Variants in ZNF804B observed in about 807,000 individuals in gnomAD.
The protein encoded by ZNF804B is zinc finger 804B.
In ZNF804B, 80 loss-of-function variants were observed where a neutral mutation model predicts 101.4. The observed-to-expected ratio is 0.79, with a 90% confidence interval of 0.66 to 0.95. The LOEUF (loss-of-function observed/expected upper bound fraction) is 0.95, where lower values mean the gene tolerates loss of function less well. Ranked by LOEUF, ZNF804B falls within the 40% of genes least tolerant of loss-of-function variation. The pLI is 0.00. For missense variants in ZNF804B, 1,673 were observed against 1,561.9 expected, an observed-to-expected ratio of 1.07 and a Z score of -1.20; for synonymous variants, 622 against 558.8, an observed-to-expected ratio of 1.11 and a Z score of -1.59.
intron 1 of ZNF804B, among the ~76,000 whole-genome samples, chr7:88,887,926 A>G (rs1442293140): frequency 6.6e-6 from 1 of 152,198 alleles, no homozygotes; most frequent in East Asian, 1.9e-4. Context: ...GTATATATAT[A>G]TCTGAGAATT....
chr7:88,941,363 A>T lies in ZNF804B; in HGVS notation c.108+181279A>T, dbSNP rs79683900. Among the ~76,000 whole-genome samples the T allele has an allele frequency of 6.1e-3, 933 of 152,162 alleles. 16 individuals are homozygous for T. Among genetic ancestry groups the T allele is most frequent in the African/African-American group, 0.022 (908 of 41,558 alleles). ...AATTGCTAAAACTTGGAAGTAACCA[A>T]GATGTCCTTCGTTGAGTGGATAAAT... On this transcript the variant is annotated intron_variant, in intron 1 of 3. Coordinates refer to ENST00000333190, the MANE Select transcript of ZNF804B (RefSeq NM_181646.5).
intron 1 of ZNF804B, among the ~76,000 whole-genome samples, chr7:89,067,556 C>G (rs57313677): frequency 0.023 from 3,524 of 152,234 alleles, 164 homozygotes; most frequent in African/African-American, 0.08. Flanking sequence ...AACACCCATG[C>G]CAACACTCAG....
chr7:89,042,863 A>G (rs557351589), intron 1 of ZNF804B, among the ~76,000 whole-genome samples: 3 of 152,288 alleles, frequency 2.0e-5, no homozygotes, highest in Non-Finnish European at 2.9e-5. Flanking sequence ...CTGTATTTAT[A>G]TTATGGATGT....
intron 1 of ZNF804B, among the ~76,000 whole-genome samples, chr7:88,816,291 C>A (rs944820344): frequency 5.3e-5 from 8 of 152,144 alleles, no homozygotes; most frequent in Non-Finnish European, 1.2e-4. Flanking sequence ...AGAAGAAAAC[C>A]TAGGCAATAC....
intron 2 of ZNF804B, among the ~76,000 whole-genome samples, chr7:89,236,787 T>C (rs1384441516): frequency 6.6e-6 from 1 of 152,152 alleles, no homozygotes. Flanking sequence ...TGTATTCTTT[T>C]TGCAATTCCA....
chr7:89,178,439 T>G (rs1788238878), intron 1 of ZNF804B, among the ~76,000 whole-genome samples: 1 of 152,108 alleles, frequency 6.6e-6, no homozygotes, highest in Non-Finnish European at 1.5e-5. Flanking sequence ...TTTTTAAAAT[T>G]TGAGAGGACT....
chr7:89,257,770 C>G (rs958724174), intron 2 of ZNF804B, among the ~76,000 whole-genome samples: 1 of 152,268 alleles, frequency 6.6e-6, no homozygotes, highest in Middle Eastern at 3.4e-3. Context: ...TCCTCCAACT[C>G]TCCATCAAGT....
intron 1 of ZNF804B, among the ~76,000 whole-genome samples, chr7:88,974,558 A>T (rs992762237): frequency 9.9e-5 from 15 of 151,346 alleles, no homozygotes; most frequent in Non-Finnish European, 1.3e-4. Context: ...CTCATGTTAT[A>T]GTCTGTTTGA....
At chr7:89,215,428 G>A (rs1788874472) in intron 1 of ZNF804B, among the ~76,000 whole-genome samples, 1 of 152,036 alleles carries the variant, frequency 6.6e-6, no homozygotes, top group African/African-American at 2.4e-5. Context: ...TAATCTGAAA[G>A]AATATAAAAA....
chr7:88,912,168 T>C (rs1428134813), intron 1 of ZNF804B, among the ~76,000 whole-genome samples: 2 of 152,004 alleles, frequency 1.3e-5, no homozygotes, highest in Non-Finnish European at 2.9e-5. Context: ...TTTTGCTCCA[T>C]ATAGTCATCA....
chr7:89,229,056 T>TCAAGCACCA, intron 2 of ZNF804B, among the ~76,000 whole-genome samples: 1 of 152,134 alleles, frequency 6.6e-6, no homozygotes, highest in East Asian at 1.9e-4. Context: ...CACCTGGAAC[T>TCAAGCACCA]CGCGCTGGCA....
intron 1 of ZNF804B, among the ~76,000 whole-genome samples, chr7:88,923,346 A>G (rs943136678): frequency 6.6e-5 from 10 of 152,108 alleles, no homozygotes; most frequent in African/African-American, 2.4e-4. Flanking sequence ...CTGCTTATTG[A>G]TGAGTTTCAC....
intron 1 of ZNF804B, among the ~76,000 whole-genome samples, chr7:88,848,350 A>G (rs17653283): frequency 0.039 from 5,977 of 152,250 alleles, 148 homozygotes; most frequent in Middle Eastern, 0.051. Context: ...TCAGGAACAA[A>G]TGAGTAGCAT....
At chr7:89,140,835 A>T (rs1186151568) in intron 1 of ZNF804B, among the ~76,000 whole-genome samples, 1 of 151,412 alleles carries the variant, frequency 6.6e-6, no homozygotes, top group African/African-American at 2.4e-5. Flanking sequence ...TTCTTCAATA[A>T]TTTTTTTTTA....
At chr7:88,776,555 G>GTTTTTTTGTTT (rs10630362) in intron 1 of ZNF804B, among the ~76,000 whole-genome samples, 2 of 106,490 alleles carry the variant, frequency 1.9e-5, no homozygotes, top group African/African-American at 6.6e-5. Flanking sequence ...TTCTCGTGGT[G>GTTTTTTTGTTT]TTTTGTTTTT....
chr7:88,915,403 A>T (rs1175166200), intron 1 of ZNF804B, among the ~76,000 whole-genome samples: 2 of 152,060 alleles, frequency 1.3e-5, no homozygotes, highest in East Asian at 1.9e-4. Flanking sequence ...AAATATTACC[A>T]ATAGATTCTA....
chr7:88,935,151 A>G (rs1330710090), intron 1 of ZNF804B, among the ~76,000 whole-genome samples: 2 of 151,838 alleles, frequency 1.3e-5, no homozygotes, highest in Non-Finnish European at 1.5e-5. Flanking sequence ...ATTGGAGGCC[A>G]TTATTCTAGG....
chr7:88,806,071 G>A (rs902767703), intron 1 of ZNF804B, among the ~76,000 whole-genome samples: 21 of 151,404 alleles, frequency 1.4e-4, no homozygotes, highest in African/African-American at 4.6e-4. Context: ...TTAGCTAGTA[G>A]GAATCATTAT....
At chr7:89,080,488 C>A (rs576696545) in intron 1 of ZNF804B, among the ~76,000 whole-genome samples, 171 of 151,982 alleles carry the variant, frequency 1.1e-3, no homozygotes, top group African/African-American at 3.4e-3. Flanking sequence ...AGCAGGAGAA[C>A]CTCTAATTAG....
Sources: allele counts gnomAD v4.1 joint callset (sites outside exome capture counted in the v4.1 genomes callset), GRCh38; gene constraint gnomAD v4.1.1; transcripts MANE v1.5; gene names NCBI Gene and HGNC (gene_info 2026-07-23, HGNC 2026-07-21).